SERPINE2: variants seen among roughly 807,000 people sequenced by gnomAD.
SERPINE2 encodes the protein glia-derived nexin.
A neutral mutation model predicts 36.3 loss-of-function variants in SERPINE2; 14 were observed. The ratio of observed to expected loss-of-function variants is 0.39; its 90% CI spans 0.25 to 0.60. The LOEUF (loss-of-function observed/expected upper bound fraction) is 0.60. Ranked by LOEUF, SERPINE2 falls within the 20% of genes least tolerant of loss-of-function variation. The pLI, the probability that SERPINE2 is intolerant of heterozygous loss-of-function variation, is 0.57. For synonymous variants in SERPINE2, 192 were observed against 191.8 expected (o/e 1.00, Z -0.01); for missense variants, 418 against 499.6 (o/e 0.84, Z 1.56).
intron 5 of SERPINE2, 29 bp downstream of exon 5, chr2:223,984,723 G>A: frequency 6.2e-7 from 1 of 1,602,736 alleles, no homozygotes; most frequent in Non-Finnish European, 8.5e-7. Flanking sequence ...TAATGCCACT[G>A]TTTTCTTTGA....
chr2:224,031,146 C>G (rs1418154343), intron 1 of SERPINE2: 1 of 985,322 alleles, frequency 1.0e-6, no homozygotes, highest in East Asian at 1.1e-4. Context: ...TCCATGGTAT[C>G]AGCTCACGGT....
intron 1 of SERPINE2, among the ~76,000 whole-genome samples, chr2:224,028,714 T>TAA (rs1170032394): frequency 6.6e-6 from 1 of 152,224 alleles, no homozygotes; most frequent in African/African-American, 2.4e-5. Context: ...AAAAGATGCC[T>TAA]AATAGTACTT....
rs1232154258 is a variant in SERPINE2, at chr2:224,038,781, G to A, written c.-23+318C>T. On this transcript the variant is annotated intron_variant, in intron 1 of 8. Coordinates refer to ENST00000409304, the MANE Select transcript of SERPINE2 (RefSeq NM_001136528.2). The stretch of plus-strand genomic sequence containing the variant: ...CCGGGCAGGAGCCACGCCGGCCCCG[G>A]TGCTCCCAGCTGCGGGTATCACTGG... The A allele has an allele frequency of 5.7e-5, 29 of 506,738 alleles. No individual in the cohort carries two copies. In the East Asian group the frequency reaches 9.1e-4, roughly 16 times the overall value. The allele number at this position is 506,738 out of a possible 1,614,324, so 31.4% of individuals were successfully genotyped here.
intron 1 of SERPINE2, among the ~76,000 whole-genome samples, chr2:224,023,562 A>T (rs1231074958): frequency 6.6e-6 from 1 of 152,186 alleles, no homozygotes; most frequent in Non-Finnish European, 1.5e-5. Flanking sequence ...TCAGCTTCCT[A>T]ACACATTTAA....
chr2:224,010,392 A>T (rs922227216), intron 1 of SERPINE2: 7 of 983,486 alleles, frequency 7.1e-6, no homozygotes, highest in Non-Finnish European at 8.5e-6. Context: ...GGTCCCTTCA[A>T]TGAAAAGACA....
intron 1 of SERPINE2, among the ~76,000 whole-genome samples, chr2:224,003,717 A>T (rs1396091048): frequency 6.6e-6 from 1 of 152,242 alleles, no homozygotes; most frequent in Non-Finnish European, 1.5e-5. Context: ...TAACAGTGGC[A>T]GCTGGTAAAA....
chr2:223,976,202 G>C (rs2106126406), intron 8 of SERPINE2, among the ~76,000 whole-genome samples: 1 of 152,302 alleles, frequency 6.6e-6, no homozygotes, highest in Middle Eastern at 3.4e-3. Flanking sequence ...CCAGGCTGGA[G>C]TACAATGGCG....
chr2:224,022,302 A>T (rs1364244486), intron 1 of SERPINE2, among the ~76,000 whole-genome samples: 2 of 114,300 alleles, frequency 1.7e-5, no homozygotes, highest in Non-Finnish European at 3.8e-5. Flanking sequence ...ACTGTGCTCT[A>T]GCCTGGGTGA....
intron 6 of SERPINE2, 91 bp from the exon 7 acceptor site, chr2:223,980,488 G>T: frequency 9.1e-7 from 1 of 1,101,198 alleles, no homozygotes; most frequent in Non-Finnish European, 1.4e-6. Context: ...CAAAGCCATG[G>T]CAAATTCCAA....
chr2:224,034,516 G>A (rs956953767), intron 1 of SERPINE2, among the ~76,000 whole-genome samples: 3 of 152,148 alleles, frequency 2.0e-5, no homozygotes, highest in Admixed American at 1.3e-4. Flanking sequence ...ACTCTGTTGG[G>A]TCATTACAAA....
intron 6 of SERPINE2, 78 bp from the exon 7 acceptor site, chr2:223,980,475 G>T: frequency 5.5e-6 from 7 of 1,271,880 alleles, no homozygotes; most frequent in South Asian, 3.6e-5. Flanking sequence ...TAACCTCAAA[G>T]CTCAAAGCCA....
chr2:224,023,488 G>A (rs12465730), intron 1 of SERPINE2, among the ~76,000 whole-genome samples: 143,667 of 152,104 alleles, frequency 0.94, 68,205 homozygotes, highest in Non-Finnish European at 0.99. Context: ...CCAGGAAAGT[G>A]CTGAGCTTGT....
chr2:224,031,133 A>T (rs1692349518), intron 1 of SERPINE2: 1 of 985,440 alleles, frequency 1.0e-6, no homozygotes, highest in Non-Finnish European at 1.2e-6. Flanking sequence ...AAATCTTTGA[A>T]TATCCATGGT....
rs558487377 is a variant in SERPINE2, at chr2:224,005,613, T to C, written c.-22-3691A>G. Among the ~76,000 whole-genome samples, 4 of 152,350 alleles carry C rather than the reference T, an allele frequency of 2.6e-5. No individual in the cohort carries two copies. In the East Asian group the frequency reaches 7.7e-4, roughly 29 times the overall value. ...ACTCATGTCCAAATAGACAATCGTT[T>C]ACATGAAGTAACTTGGAGTTCTCAA... On this transcript the variant is annotated intron_variant, in intron 1 of 8. Transcript: ENST00000409304.
rs759005594 is a variant in SERPINE2 at position 223,982,764 on chromosome 2, T to A, written c.902A>T (p.Gln301Leu). Reference protein sequence around the residue: ...VILPKFTAVAQTDLKEPLKVL... With the variant: ...VILPKFTAVALTDLKEPLKVL... Reference sequence around the variant, plus strand: ...TTTCAGCGGCTCCTTCAAATCTGTTTGTGCTACAGCTGTGAACCTAGCATG... The same window carrying A: ...TTTCAGCGGCTCCTTCAAATCTGTTAGTGCTACAGCTGTGAACCTAGCATG... The change falls in exon 6 of 9, where the codon CAA (glutamine) becomes CTA (leucine). Residue 301 changes from glutamine (Q) to leucine (L), a missense_variant. Physicochemically the swap from Gln to Leu is moderately radical, Grantham distance 113. Coordinates refer to ENST00000409304, the MANE Select transcript of SERPINE2 (RefSeq NM_001136528.2). The A allele has an allele frequency of 1.9e-6, 3 of 1,613,782 alleles. No homozygotes were observed. The African/African-American group carries it at 4.0e-5, about 22-fold the overall frequency.
intron 1 of SERPINE2, among the ~76,000 whole-genome samples, chr2:224,016,920 C>T (rs1691819228): frequency 6.6e-6 from 1 of 152,040 alleles, no homozygotes; most frequent in Non-Finnish European, 1.5e-5. Flanking sequence ...GTTGAAATGA[C>T]AAAGGTGCAG....
intron 7 of SERPINE2, 156 bp from the exon 8 acceptor site, chr2:223,977,783 A>G (rs753465313): frequency 1.2e-5 from 7 of 598,372 alleles, no homozygotes; most frequent in Admixed American, 7.8e-5. Context: ...AACAGGCTCA[A>G]TGGTCACCAT....
intron 2 of SERPINE2, among the ~76,000 whole-genome samples, chr2:223,999,960 C>A (rs748105690): frequency 6.6e-6 from 1 of 152,186 alleles, no homozygotes; most frequent in African/African-American, 2.4e-5. Flanking sequence ...ATGCTTCCAA[C>A]AGGTGAACAA....
intron 3 of SERPINE2, among the ~76,000 whole-genome samples, chr2:223,994,103 A>G (rs1326889898): frequency 6.6e-6 from 1 of 152,104 alleles, no homozygotes. Context: ...CCACCTCCTA[A>G]GAGATGTCTC....
Sources: gnomAD v4.1 joint callset for allele counts (sites outside exome capture counted in the v4.1 genomes callset) on GRCh38, gnomAD v4.1.1 for gene constraint, MANE v1.5 for transcripts, NCBI Gene and HGNC (gene_info 2026-07-23, HGNC 2026-07-21) for gene names.